PIK3AP1: variants seen among roughly 807,000 people sequenced by gnomAD.
PIK3AP1 encodes phosphoinositide 3-kinase adapter protein 1.
PIK3AP1 carries 21 observed loss-of-function variants against 88.1 expected under a neutral mutation model. The ratio of observed to expected loss-of-function variants is 0.24; its 90% CI spans 0.17 to 0.34. The LOEUF is 0.34. PIK3AP1 is among the 10% of genes least tolerant of loss of function. PIK3AP1 has a pLI of 1.00. For missense variants in PIK3AP1, 828 were observed against 1,035.7 expected (o/e 0.80, Z 2.75); for synonymous variants, 398 against 400.0 (o/e 1.00, Z 0.06).
At chr10:96,649,478 A>C (rs1843507968) in intron 6 of PIK3AP1, among the ~76,000 whole-genome samples, 1 of 152,256 alleles carries the variant, frequency 6.6e-6, no homozygotes, top group African/African-American at 2.4e-5. Flanking sequence ...GCAGCCACAC[A>C]GTACAATAGG....
At chr10:96,597,421 C>T (rs1202920831) in intron 16 of PIK3AP1, among the ~76,000 whole-genome samples, 1 of 143,186 alleles carries the variant, frequency 7.0e-6, no homozygotes, top group Non-Finnish European at 1.5e-5. Flanking sequence ...TACTTTATAT[C>T]CACTCCTGGG....
intron 8 of PIK3AP1, among the ~76,000 whole-genome samples, chr10:96,643,274 ATAACAAT>A (rs1344075683): frequency 6.6e-6 from 1 of 152,220 alleles, no homozygotes; most frequent in Non-Finnish European, 1.5e-5. Flanking sequence ...ATGGTGTTGG[ATAACAAT>A]TTCTGCAGAA....
intron 16 of PIK3AP1, among the ~76,000 whole-genome samples, chr10:96,598,044 GTTTTT>G (rs34971365): frequency 8.6e-6 from 1 of 115,944 alleles, no homozygotes; most frequent in Non-Finnish European, 1.8e-5. Context: ...TTTTTTTGTT[GTTTTT>G]TTTTTTTTTT....
intron 15 of PIK3AP1, among the ~76,000 whole-genome samples, chr10:96,603,290 AC>A (rs1428919838): frequency 6.6e-6 from 1 of 152,188 alleles, no homozygotes; most frequent in Non-Finnish European, 1.5e-5. Flanking sequence ...CCAAAAAGAA[AC>A]CCTGTGTGAT....
In PIK3AP1 at chr10:96,628,407, A is replaced by C; in HGVS notation, c.1462T>G (p.Phe488Val). Residue 488 changes from phenylalanine (F) to valine (V), a missense_variant, in exon 9 of 17, where the codon TTT (phenylalanine) becomes GTT (valine). By Grantham distance (50) the Phe-to-Val change is conservative. Transcript: ENST00000339364. The part of the protein sequence containing the change: ...RATKDSMIRK[F>V]LEGNSMGMTN... ...CATGGCTATGACTTACCTTCTAAAAACTTGCGGATCATAGAGTCCTTAGTG... is the reference window on the plus strand; with the variant it reads ...CATGGCTATGACTTACCTTCTAAAACCTTGCGGATCATAGAGTCCTTAGTG... 6.2e-7 allele frequency: 1 copy of C among 1,608,034 alleles called. No homozygotes were observed. The highest frequency in any genetic ancestry group is 8.5e-7 in the Non-Finnish European group (1 of 1,174,508).
At chr10:96,611,081 G>A (rs1408433965) in intron 13 of PIK3AP1, among the ~76,000 whole-genome samples, 1 of 152,210 alleles carries the variant, frequency 6.6e-6, no homozygotes, top group Non-Finnish European at 1.5e-5. Context: ...AATCTGGCAG[G>A]GTGAATGGAT....
At chr10:96,651,713 G>A in intron 4 of PIK3AP1, 62 bp from the exon 5 acceptor site, 5 of 1,570,526 alleles carry the variant, frequency 3.2e-6, no homozygotes, top group Non-Finnish European at 4.4e-6. Context: ...GGGAAAAGTG[G>A]CTGTGGATAT....
intron 8 of PIK3AP1, chr10:96,633,107 C>T: frequency 6.6e-7 from 1 of 1,522,314 alleles, no homozygotes; most frequent in Middle Eastern, 2.3e-4. Context: ...GGCGGAGCTT[C>T]CAGGGTCACC....
chr10:96,619,797 G>A (rs984276052), intron 12 of PIK3AP1, among the ~76,000 whole-genome samples: 2 of 152,220 alleles, frequency 1.3e-5, no homozygotes, highest in African/African-American at 2.4e-5. Flanking sequence ...GAATGGGCCC[G>A]AAGTGGCCGT....
At chr10:96,633,877 A>G (rs1427430650) in intron 8 of PIK3AP1, among the ~76,000 whole-genome samples, 7 of 152,202 alleles carry the variant, frequency 4.6e-5, no homozygotes, top group Non-Finnish European at 1.5e-5. Flanking sequence ...ATTCTTTACA[A>G]TAGAGTTATT....
chr10:96,681,476 GA>G lies in PIK3AP1; in HGVS notation c.431-24543del, dbSNP rs550196773. On this transcript the variant is annotated intron_variant, in intron 2 of 16. Transcript: ENST00000339364. ...GCTCTCCTCTAGACACTCCCTCAAG[GA>G]CGACCATTAATCCAATTATTCTCTC... 9.5e-4 allele frequency among the ~76,000 whole-genome samples: 144 copies of G among 152,288 alleles called. 1 individual carries two copies. The highest frequency in any genetic ancestry group is 3.3e-3 in the African/African-American group (138 of 41,548).
chr10:96,630,337 T>C (rs1180629315), intron 8 of PIK3AP1, among the ~76,000 whole-genome samples: 1 of 152,218 alleles, frequency 6.6e-6, no homozygotes, highest in African/African-American at 2.4e-5. Context: ...CACCACTGAA[T>C]TCCATAACAG....
intron 2 of PIK3AP1, among the ~76,000 whole-genome samples, chr10:96,688,649 A>T (rs1844108783): frequency 1.3e-5 from 2 of 152,054 alleles, no homozygotes; most frequent in Non-Finnish European, 2.9e-5. Flanking sequence ...AAATACAAAC[A>T]TTAGCTGGCG....
Position 96,640,958 on chromosome 10 carries a change from C to T in PIK3AP1, c.1375+4515G>A, listed in dbSNP as rs150589457. Among the ~76,000 whole-genome samples the T allele has an allele frequency of 7.6e-3, 1,151 of 152,184 alleles. 13 individuals are homozygous for T. The highest frequency in any genetic ancestry group is 0.027 in the African/African-American group (1,102 of 41,490). ...GATTACGGGCATGAGCCACCATGCC[C>T]GGCTGATCTGTGGGGCCTTGATCAA... On this transcript the variant is annotated intron_variant, in intron 8 of 16. Transcript: ENST00000339364.
At chr10:96,709,389 G>A (rs147112237) in intron 2 of PIK3AP1, among the ~76,000 whole-genome samples, 178 bp downstream of exon 2, 2 of 152,216 alleles carry the variant, frequency 1.3e-5, no homozygotes, top group Non-Finnish European at 2.9e-5. Context: ...TCTCCTGATA[G>A]TCCAGGAGAG....
intron 7 of PIK3AP1, among the ~76,000 whole-genome samples, chr10:96,648,106 G>T (rs151325318): frequency 6.6e-6 from 1 of 152,206 alleles, no homozygotes; most frequent in Admixed American, 6.5e-5. Context: ...GGGCCTTAGA[G>T]TTGCTGCCCT....
chr10:96,688,923 A>G (rs898540746), intron 2 of PIK3AP1, among the ~76,000 whole-genome samples: 2 of 152,056 alleles, frequency 1.3e-5, no homozygotes, highest in African/African-American at 4.8e-5. Flanking sequence ...TAGGATCTAC[A>G]TGTGCTTATC....
At position 96,720,241 on chromosome 10, in the gene PIK3AP1, G is replaced by A; in HGVS notation, c.13+141C>T. 1 of 874,588 alleles carries A rather than the reference G, an allele frequency of 1.1e-6. No homozygotes were observed. Among genetic ancestry groups the A allele is most frequent in the Non-Finnish European group, 1.5e-6 (1 of 663,518 alleles). The allele number at this position is 874,588 out of a possible 1,614,324, so 54.2% of individuals were successfully genotyped here. ...GTTGGAGTGGGAAGTTTGCGACAGG[G>A]AACATAGAAAAGAGCAGAAAGAGGG... On this transcript the variant is annotated intron_variant, in intron 1 of 16. Coordinates refer to ENST00000339364, the MANE Select transcript of PIK3AP1 (RefSeq NM_152309.3). The surrounding 1 kb of genome is among the most constrained non-coding windows in gnomAD (Gnocchi z 4.6).
At chr10:96,681,158 C>T (rs1374666304) in intron 2 of PIK3AP1, among the ~76,000 whole-genome samples, 1 of 152,176 alleles carries the variant, frequency 6.6e-6, no homozygotes, top group Admixed American at 6.5e-5. Flanking sequence ...TCACTCTGTC[C>T]TCCATAATTT....
Sources: allele counts gnomAD v4.1 joint callset (sites outside exome capture counted in the v4.1 genomes callset), GRCh38; gene constraint gnomAD v4.1.1; non-coding constraint Gnocchi (gnomAD v3.1); transcripts MANE v1.5; gene names NCBI Gene and HGNC (gene_info 2026-07-23, HGNC 2026-07-21).